GALNT11: variants seen among roughly 807,000 people sequenced by gnomAD.
GALNT11 encodes polypeptide N-acetylgalactosaminyltransferase 11.
In GALNT11, 47 loss-of-function variants were observed where a neutral mutation model predicts 72.7. The ratio of observed to expected loss-of-function variants is 0.65; its 90% CI spans 0.51 to 0.82. The LOEUF is 0.82. Among genes scored for constraint, GALNT11 ranks in the 40% least tolerant of loss-of-function variants. The pLI is 0.00. For missense variants in GALNT11, 677 were observed against 778.4 expected (o/e 0.87, Z 1.55); for synonymous variants, 270 against 286.6 (o/e 0.94, Z 0.58).
rs183996122 is a variant in GALNT11 at position 152,034,171 on chromosome 7, C to A, written c.-39+8287C>A. On this transcript the variant is annotated intron_variant, in intron 1 of 11. Coordinates refer to ENST00000430044, the MANE Select transcript of GALNT11 (RefSeq NM_022087.4). ...TCTTTGGAGATTTCTTTGCTTATTT[C>A]CTTCTGGGCAGGGGAGATTAGAGGA... is the stretch of plus-strand genomic sequence containing the variant. Among the ~76,000 whole-genome samples, 64 of 152,222 alleles carry A rather than the reference C, an allele frequency of 4.2e-4. 1 individual carries two copies. Among genetic ancestry groups the A allele is most frequent in the African/African-American group, 1.5e-3 (63 of 41,534 alleles).
intron 6 of GALNT11, among the ~76,000 whole-genome samples, chr7:152,108,886 C>T (rs755255157): frequency 1.3e-5 from 2 of 152,116 alleles, no homozygotes; most frequent in African/African-American, 2.4e-5. Context: ...TACATTTGTT[C>T]TTGATTTGCC....
intron 8 of GALNT11, chr7:152,116,864 G>A: frequency 1.8e-6 from 1 of 548,154 alleles, no homozygotes; most frequent in Non-Finnish European, 3.4e-6. Flanking sequence ...ATAATTTGTA[G>A]GTTTCTCTGT....
chr7:152,094,347 G>T lies in GALNT11; in HGVS notation c.120G>T (p.Val40=). 1 of 1,614,076 alleles carries T rather than the reference G, an allele frequency of 6.2e-7. No individual in the cohort carries two copies. ...FSEVTQPLKN[V]PVKGSGPHGP... ...AAGTGACTCAGCCACTTAAGAATGT[G>T]CCCGTCAAGGGGTCTGGGCCCCACG... The change falls in exon 2 of 12, where the codon GTG becomes GTT. Residue 40 remains valine, a synonymous_variant. Transcript: ENST00000430044. The surrounding 1 kb of genome is among the most constrained non-coding windows in gnomAD (Gnocchi z 4.3).
intron 1 of GALNT11, among the ~76,000 whole-genome samples, chr7:152,079,643 T>A (rs1290205151): frequency 1.3e-5 from 2 of 152,254 alleles, no homozygotes; most frequent in Non-Finnish European, 2.9e-5. Context: ...GCTCTGAACC[T>A]TTCCTAATTC....
intron 9 of GALNT11, 30 bp downstream of exon 9, chr7:152,117,405 A>G (rs1280388062): frequency 1.4e-5 from 22 of 1,608,744 alleles, no homozygotes; most frequent in Non-Finnish European, 1.9e-5. Context: ...CAAGTGGCTT[A>G]TGAAAAGCGT....
At chr7:152,100,458 C>T (rs2086784829) in intron 2 of GALNT11, among the ~76,000 whole-genome samples, 1 of 151,590 alleles carries the variant, frequency 6.6e-6, no homozygotes, top group Non-Finnish European at 1.5e-5. Context: ...CCCAGCTACT[C>T]GGGAGGCTGA....
chr7:152,098,424 CAAAA>C (rs544303019), intron 2 of GALNT11, among the ~76,000 whole-genome samples: 19 of 149,864 alleles, frequency 1.3e-4, no homozygotes, highest in African/African-American at 4.4e-4. Flanking sequence ...GACCCTGTCT[CAAAA>C]AAAATAAATA....
rs554573614 is a variant in GALNT11, at chr7:152,110,738, A to T, written c.1080+93A>T. The T allele has an allele frequency of 3.4e-4, 341 of 1,016,530 alleles. 3 individuals are homozygous for T. The African/African-American group carries it at 5.2e-3, about 15-fold the overall frequency. 63.0% of individuals were successfully genotyped at this position (1,016,530 alleles called of 1,614,324 possible). A position where few individuals can be genotyped will look rare whatever the true frequency, so the allele number is the denominator to read the frequency against. ...TATTTTCTTTATATTCTCCTTGATTATTTTTTTTTCGAGATAGGGTCTTTC... is the reference window on the plus strand; with the variant it reads ...TATTTTCTTTATATTCTCCTTGATTTTTTTTTTTTCGAGATAGGGTCTTTC... On this transcript the variant is annotated intron_variant, in intron 7 of 11. Transcript: ENST00000430044.
chr7:152,081,398 G>A (rs2085316480), intron 1 of GALNT11, among the ~76,000 whole-genome samples: 1 of 152,196 alleles, frequency 6.6e-6, no homozygotes, highest in Non-Finnish European at 1.5e-5. Flanking sequence ...CTAATCTGAT[G>A]ATGATGCCGG....
chr7:152,046,832 T>C (rs2083150485), intron 1 of GALNT11, among the ~76,000 whole-genome samples: 1 of 152,194 alleles, frequency 6.6e-6, no homozygotes, highest in African/African-American at 2.4e-5. Flanking sequence ...TGCCTTTTTA[T>C]TATTTGTTTT....
intron 1 of GALNT11, among the ~76,000 whole-genome samples, chr7:152,026,836 C>T (rs966103589): frequency 6.6e-5 from 10 of 152,200 alleles, no homozygotes; most frequent in Admixed American, 3.3e-4. Flanking sequence ...ACTCATGTTC[C>T]CCTACAATGT....
rs1454442287 is a variant in GALNT11 at position 152,121,899 on chromosome 7, G to A, written c.*222G>A. ...GGTGAAGAAGTGAGTGTCCACGGGT[G>A]AAGAAGTGAGTATGTTTCACCTGGA... On this transcript the variant is annotated 3_prime_UTR_variant, in exon 12 of 12. Coordinates refer to ENST00000430044, the MANE Select transcript of GALNT11 (RefSeq NM_022087.4). 2.1e-6 allele frequency: 1 copy of A among 477,650 alleles called. No homozygotes were observed. Among genetic ancestry groups the A allele is most frequent in the East Asian group, 3.4e-5 (1 of 29,238 alleles). 29.6% of individuals were successfully genotyped at this position (477,650 alleles called of 1,614,324 possible).
rs1179073040 is a variant in GALNT11 at position 152,121,861 on chromosome 7, C to CTGAG, written c.*187_*190dup. 1 of 637,120 alleles carries CTGAG rather than the reference C, an allele frequency of 1.6e-6. No individual in the cohort carries two copies. Among genetic ancestry groups the CTGAG allele is most frequent in the Non-Finnish European group, 2.6e-6 (1 of 391,502 alleles). The allele number at this position is 637,120 out of a possible 1,614,324, so 39.5% of individuals were successfully genotyped here. A position where few individuals can be genotyped will look rare whatever the true frequency, so the allele number is the denominator to read the frequency against. On this transcript the variant is annotated 3_prime_UTR_variant, in exon 12 of 12. Transcript: ENST00000430044. The stretch of plus-strand genomic sequence containing the variant: ...CACGTGTCTGACAGAGACGGGAGCT[C>CTGAG]TGAGTGTCCACGGGTGAAGAAGTGA...
At chr7:152,102,940 C>CA (rs1338613679) in intron 3 of GALNT11, among the ~76,000 whole-genome samples, 172 bp from the exon 4 acceptor site, 1 of 149,958 alleles carries the variant, frequency 6.7e-6, no homozygotes, top group Admixed American at 6.6e-5. Context: ...GAGATAGCGC[C>CA]ACTGCACTCC....
Position 152,122,237 on chromosome 7 carries a change from T to TTTAAC in GALNT11, c.*563_*567dup, listed in dbSNP as rs2089474728. 3.3e-5 allele frequency: 5 copies of TTTAAC among 152,340 alleles called. 1 individual carries two copies. In the Middle Eastern group the frequency reaches 0.01, roughly 311 times the overall value. 9.4% of individuals were successfully genotyped at this position (152,340 alleles called of 1,614,324 possible). A position where few individuals can be genotyped will look rare whatever the true frequency, so the allele number is the denominator to read the frequency against. ...TTTAAAAAACTGAATCTATATTATG[T>TTTAAC]TTAACTTCAGAAGGCATCATTTATA... On this transcript the variant is annotated 3_prime_UTR_variant, in exon 12 of 12. Coordinates refer to ENST00000430044, the MANE Select transcript of GALNT11 (RefSeq NM_022087.4).
chr7:152,066,771 C>A (rs141376673), intron 1 of GALNT11, among the ~76,000 whole-genome samples: 1 of 152,168 alleles, frequency 6.6e-6, no homozygotes, highest in South Asian at 2.1e-4. Flanking sequence ...GCAGTGAGAA[C>A]ACACACATTT....
intron 4 of GALNT11, chr7:152,104,559 T>A (rs1220944306): frequency 2.0e-5 from 3 of 152,234 alleles, no homozygotes; most frequent in African/African-American, 7.2e-5. Context: ...TGTTTTTTTT[T>A]AAGTCAACTT....
chr7:152,029,863 A>T (rs1453459770), intron 1 of GALNT11, among the ~76,000 whole-genome samples: 2 of 152,228 alleles, frequency 1.3e-5, no homozygotes, highest in African/African-American at 2.4e-5. Context: ...CCCTGTTAGG[A>T]AACCTGCTGG....
chr7:152,043,081 T>C (rs952093922), intron 1 of GALNT11, among the ~76,000 whole-genome samples: 1 of 152,202 alleles, frequency 6.6e-6, no homozygotes, highest in African/African-American at 2.4e-5. Flanking sequence ...TCCTGTTCAT[T>C]TAATTTCACT....
Sources: allele counts gnomAD v4.1 joint callset (sites outside exome capture counted in the v4.1 genomes callset), GRCh38; gene constraint gnomAD v4.1.1; non-coding constraint Gnocchi (gnomAD v3.1); transcripts MANE v1.5; gene names NCBI Gene and HGNC (gene_info 2026-07-23, HGNC 2026-07-21).